CACNA1A: variants seen among roughly 807,000 people sequenced by gnomAD.
CACNA1A encodes calcium voltage-gated channel subunit alpha1 A, also known as voltage-dependent P/Q-type calcium channel subunit alpha-1A.
CACNA1A carries 57 observed loss-of-function variants against 262.4 expected under a neutral mutation model. That is an observed-to-expected ratio of 0.22 (90% CI 0.18 to 0.27). CACNA1A has a LOEUF of 0.27. CACNA1A is among the 10% of genes least tolerant of loss of function. The pLI, the probability that CACNA1A is intolerant of heterozygous loss-of-function variation, is 1.00. For missense variants in CACNA1A, 2,526 were observed against 3,562.8 expected (o/e 0.71, Z 7.41); for synonymous variants, 1,431 against 1,419.3 (o/e 1.01, Z -0.18).
chr19:13,329,605 C>T (rs958928413), intron 10 of CACNA1A, among the ~76,000 whole-genome samples: 1 of 150,976 alleles, frequency 6.6e-6, no homozygotes, highest in Non-Finnish European at 1.5e-5. Context: ...GCTCCCGCCT[C>T]AGCCTCCAGA....
At chr19:13,215,816 G>A (rs557587361) in intron 38 of CACNA1A, among the ~76,000 whole-genome samples, 35 of 152,200 alleles carry the variant, frequency 2.3e-4, no homozygotes, top group African/African-American at 6.5e-4. Context: ...AGTAACGTGC[G>A]TGCAGCCTTG....
intron 3 of CACNA1A, among the ~76,000 whole-genome samples, chr19:13,447,418 C>G (rs2060836143): frequency 6.6e-6 from 1 of 152,234 alleles, no homozygotes; most frequent in African/African-American, 2.4e-5. Context: ...AACTGACCTA[C>G]TGAATGACTG....
chr19:13,267,833 T>G (rs1468815839), intron 24 of CACNA1A, among the ~76,000 whole-genome samples: 1 of 151,864 alleles, frequency 6.6e-6, no homozygotes, highest in Non-Finnish European at 1.5e-5. Context: ...CAGGCTGCAG[T>G]GCAGTAGCGG....
chr19:13,441,862 G>A (rs998351414), intron 3 of CACNA1A, among the ~76,000 whole-genome samples: 3 of 152,000 alleles, frequency 2.0e-5, no homozygotes, highest in Admixed American at 6.6e-5. Context: ...ATAGCAATTC[G>A]AGAAAACAAG....
chr19:13,424,056 T>A (rs1188045535), intron 3 of CACNA1A, among the ~76,000 whole-genome samples: 1 of 151,928 alleles, frequency 6.6e-6, no homozygotes, highest in Non-Finnish European at 1.5e-5. Flanking sequence ...CATTTAACAA[T>A]CAAAACAGCT....
At position 13,401,437 on chromosome 19, in the gene CACNA1A, A is replaced by T. The variant is rs57339730; in HGVS notation, c.540-29658T>A. ...AAGTACTTACGACAGTGCCTGATAC[A>T]TAGTTGAGGCATGAGTGGGAGGTAG... On this transcript the variant is annotated intron_variant, in intron 3 of 46. Transcript: ENST00000360228. 5.6e-3 allele frequency among the ~76,000 whole-genome samples: 860 copies of T among 152,252 alleles called. 9 individuals are homozygous for T. The highest frequency in any genetic ancestry group is 0.019 in the African/African-American group (799 of 41,554).
intron 24 of CACNA1A, among the ~76,000 whole-genome samples, chr19:13,267,869 C>G (rs1199808743): frequency 6.6e-6 from 1 of 151,930 alleles, no homozygotes; most frequent in Non-Finnish European, 1.5e-5. Context: ...TAGCCTCAAC[C>G]TCCAGGGCTC....
chr19:13,287,910 C>T (rs565902810), intron 19 of CACNA1A, among the ~76,000 whole-genome samples: 83 of 151,572 alleles, frequency 5.5e-4, no homozygotes, highest in African/African-American at 1.5e-3. Context: ...TCCAGTGATC[C>T]TCCCATCTCA....
intron 19 of CACNA1A, among the ~76,000 whole-genome samples, chr19:13,294,467 G>A (rs2057617402): frequency 1.4e-5 from 2 of 144,584 alleles, no homozygotes; most frequent in East Asian, 4.2e-4. Context: ...GGGATTACAG[G>A]TGCATACCAC....
At chr19:13,453,037 G>C in intron 2 of CACNA1A, 22 bp from the exon 3 acceptor site, 1 of 1,613,724 alleles carries the variant, frequency 6.2e-7, no homozygotes, top group Non-Finnish European at 8.5e-7. Context: ...AGAAGGCAAG[G>C]TCAGCGTCTT....
At chr19:13,479,841 G>T (rs1373878642) in intron 1 of CACNA1A, among the ~76,000 whole-genome samples, 1 of 152,204 alleles carries the variant, frequency 6.6e-6, no homozygotes, top group Non-Finnish European at 1.5e-5. Flanking sequence ...AACAGAAAAA[G>T]TAAAGCTAAT....
chr19:13,209,408 G>A lies in CACNA1A; in HGVS notation c.6430C>T (p.Pro2144Ser). Residue 2144 changes from proline to serine, a missense_variant, in exon 45 of 47, where the codon CCG becomes TCG. Physicochemically the swap from Pro to Ser is moderately conservative, Grantham distance 74. Coordinates refer to ENST00000360228, the MANE Select transcript of CACNA1A (RefSeq NM_001127222.2). ...TGGTGCCGCTGGTTCTCCTCGGGCG[G>A]GACCCGCTCCAGCGAGTAATCGTCC... is the stretch of plus-strand genomic sequence containing the variant. The part of the protein sequence containing the change: ...RLDDYSLERV[P>S]PEENQRHHQR... The A allele has an allele frequency of 7.1e-7, 1 of 1,399,104 alleles. No homozygotes were observed. Among genetic ancestry groups the A allele is most frequent in the Non-Finnish European group, 9.3e-7 (1 of 1,073,146 alleles). 86.7% of individuals were successfully genotyped at this position (1,399,104 alleles called of 1,614,324 possible).
At chr19:13,341,461 T>C (rs7256928) in intron 6 of CACNA1A, among the ~76,000 whole-genome samples, 67,249 of 152,148 alleles carry the variant, frequency 0.44, 16,589 homozygotes, top group Non-Finnish European at 0.56. Context: ...GTTACTCAGT[T>C]ACTGAATGGC....
chr19:13,287,217 G>A (rs758825446), intron 19 of CACNA1A, among the ~76,000 whole-genome samples: 9 of 152,056 alleles, frequency 5.9e-5, no homozygotes, highest in Non-Finnish European at 1.0e-4. Flanking sequence ...CGGGCGTGGC[G>A]CTGTGTGCCT....
intron 26 of CACNA1A, 108 bp from the exon 27 acceptor site, chr19:13,259,809 C>A: frequency 2.4e-6 from 3 of 1,250,784 alleles, no homozygotes; most frequent in Non-Finnish European, 3.4e-6. Flanking sequence ...GTCCACCAGC[C>A]TAGACTGCTT....
chr19:13,431,692 G>T (rs1288346095), intron 3 of CACNA1A, among the ~76,000 whole-genome samples: 3 of 152,148 alleles, frequency 2.0e-5, no homozygotes, highest in Admixed American at 2.0e-4. Flanking sequence ...GTACTATTCA[G>T]TCTTTAAAAA....
Position 13,212,664 on chromosome 19 carries a change from A to C in CACNA1A, c.6017T>G (p.Leu2006Arg), listed in dbSNP as rs759624463. 18 of 1,514,638 alleles carry C rather than the reference A, an allele frequency of 1.2e-5. No homozygotes were observed. Among genetic ancestry groups the C allele is most frequent in the Non-Finnish European group, 4.4e-6 (5 of 1,130,944 alleles). 93.8% of individuals were successfully genotyped at this position (1,514,638 alleles called of 1,614,324 possible). A position where few individuals can be genotyped will look rare whatever the true frequency, so the allele number is the denominator to read the frequency against. The change falls in exon 41 of 47, where the codon CTC (leucine) becomes CGC (arginine). Residue 2006 changes from leucine (L) to arginine (R), a missense_variant. Transcript: ENST00000360228. The surrounding 1 kb of genome is among the most constrained non-coding windows in gnomAD (Gnocchi z 5.6). The part of the protein sequence containing the change: ...TQEGGPGQNA[L>R]PSTQLDPGGA... ...TCCTGGGTCCAGCTGGGTGGAGGGG[A>C]GGGCGTTCTGGCCAGGTCCCCCTTC...
chr19:13,207,457 G>A lies in CACNA1A; in HGVS notation c.7377C>T (p.Gly2459=), dbSNP rs2054608406. Residue 2459 remains glycine (G), a synonymous_variant, in exon 47 of 47, where the codon GGC becomes GGT. Coordinates refer to ENST00000360228, the MANE Select transcript of CACNA1A (RefSeq NM_001127222.2). This position sits in a 1 kb window ranked among gnomAD's most constrained non-coding sequence, Gnocchi z 5.7. The part of the protein sequence containing the change: ...GRSPRTPRAS[G]PACASPSRHG... Reference sequence around the variant, plus strand: ...GCCGAGAAGGCGAGGCGCAGGCCGGGCCCGAGGCCCGGGGAGTCCTGGGCG... The same window carrying A: ...GCCGAGAAGGCGAGGCGCAGGCCGGACCCGAGGCCCGGGGAGTCCTGGGCG... The A allele has an allele frequency of 6.7e-7, 1 of 1,499,062 alleles. No homozygotes were observed. Among genetic ancestry groups the A allele is most frequent in the South Asian group, 1.2e-5 (1 of 82,270 alleles). 92.9% of individuals were successfully genotyped at this position (1,499,062 alleles called of 1,614,324 possible).
At chr19:13,314,893 A>G (rs2145040450) in intron 11 of CACNA1A, among the ~76,000 whole-genome samples, 1 of 152,288 alleles carries the variant, frequency 6.6e-6, no homozygotes, top group East Asian at 1.9e-4. Context: ...ATATCAGCAG[A>G]GGAAGTCTGT....
Sources: allele counts gnomAD v4.1 joint callset (sites outside exome capture counted in the v4.1 genomes callset), GRCh38; gene constraint gnomAD v4.1.1; non-coding constraint Gnocchi (gnomAD v3.1); transcripts MANE v1.5; gene names NCBI Gene and HGNC (gene_info 2026-07-23, HGNC 2026-07-21).